The following PPOX variants were observed in gnomAD, a reference collection of about 807,000 sequenced individuals.
PPOX encodes variegate porphyria.
Under a neutral mutation model 54.1 loss-of-function variants are expected in PPOX, and 23 were observed. The observed-to-expected ratio is 0.43, with a 90% CI of 0.31 to 0.60. The LOEUF (loss-of-function observed/expected upper bound fraction) is 0.60. Among genes scored for constraint, PPOX ranks in the 20% least tolerant of loss-of-function variants. The probability of loss-of-function intolerance (pLI) is 0.13; values close to 1 mark genes in which losing one functional copy is unlikely to be tolerated. For missense variants in PPOX, 512 were observed against 601.1 expected, an observed-to-expected ratio of 0.85 and a Z score of 1.55; for synonymous variants, 224 against 236.1, an observed-to-expected ratio of 0.95 and a Z score of 0.47.
downstream of PPOX, chr1:161,175,985 G>A: frequency 6.2e-7 from 1 of 1,614,126 alleles, no homozygotes; most frequent in Non-Finnish European, 8.5e-7. Flanking sequence ...CCCAGTGACA[G>A]GTACATCATG....
At chr1:161,168,684 G>A in intron 6 of PPOX, 108 bp downstream of exon 6, 1 of 1,427,274 alleles carries the variant, frequency 7.0e-7, no homozygotes, top group South Asian at 1.2e-5. Context: ...TTGAGACGGA[G>A]TCTTGCTCTG....
downstream of PPOX, chr1:161,177,272 C>T (rs1463000941): frequency 5.1e-6 from 3 of 591,260 alleles, no homozygotes; most frequent in African/African-American, 5.6e-5. Context: ...CTACTAGCAA[C>T]GTGAGCCCGC....
upstream of PPOX, chr1:161,166,253 G>T: frequency 1.0e-6 from 1 of 963,956 alleles, no homozygotes; most frequent in Non-Finnish European, 1.2e-6. Context: ...GACGGGTACG[G>T]CCGCTCACTC....
At chr1:161,175,939 T>G (rs1663348367), downstream of PPOX, 1 of 1,613,982 alleles carries the variant, frequency 6.2e-7, no homozygotes, top group Non-Finnish European at 8.5e-7. Context: ...CGGTCCCTGA[T>G]CTCGGCCAAA....
At chr1:161,176,894 G>A in exon 5 of PPOX, 1 of 1,536,238 alleles carries the variant, frequency 6.5e-7, no homozygotes, top group Non-Finnish European at 8.7e-7. Context: ...CAGGACCGTG[G>A]AGTGGCCTAA....
chr1:161,173,374 G>C (rs1662222828), downstream of PPOX, among the ~76,000 whole-genome samples: 1 of 152,178 alleles, frequency 6.6e-6, no homozygotes, highest in African/African-American at 2.4e-5. Flanking sequence ...ATTTCCTATT[G>C]ATCTTATGTC....
rs750455096 is a variant in PPOX at position 161,170,876 on chromosome 1, C to A, written c.1249-31C>A. 9.3e-6 allele frequency: 15 copies of A among 1,613,936 alleles called. No homozygotes were observed. The East Asian group carries it at 3.1e-4, about 34-fold the overall frequency. ...CAAGGCCTAGGACATCAATAATAAA[C>A]TTTTCCCTGCATCCTCTCCTCTCTT... On this transcript the variant is annotated intron_variant, in intron 11 of 12. Coordinates refer to ENST00000367999, the MANE Select transcript of PPOX (RefSeq NM_001122764.3).
In PPOX at chr1:161,169,957, G is replaced by T. The variant is rs762786491; in HGVS notation, c.920G>T (p.Ser307Ile). The T allele has an allele frequency of 3.7e-6, 6 of 1,614,180 alleles. No homozygotes were observed. The Admixed American group carries it at 1.0e-4, about 27-fold the overall frequency. ...GCTGCCCCTCTGGCTCGTGCCCTGA[G>T]TGCCATCACTGCAGTGTCTGTAGCT... ...AEAAPLARAL[S>I]AITAVSVAVV... The change falls in exon 9 of 13, where the codon AGT becomes ATT. Residue 307 changes from serine (S) to isoleucine (I), a missense_variant. Physicochemically the swap from Ser to Ile is moderately radical, Grantham distance 142. Coordinates refer to ENST00000367999, the MANE Select transcript of PPOX (RefSeq NM_001122764.3).
Position 161,168,182 on chromosome 1 carries a change from TCCCTGTTCAAATCTACCACCTA to T in PPOX, c.471+56_471+77del. On this transcript the variant is annotated intron_variant, in intron 5 of 12. Transcript: ENST00000367999. Reference sequence around the variant, plus strand: ...TTCCCTCCTAAACCAGCTGCAGAGCTCCCTGTTCAAATCTACCACCTAGGGGCTCTTCTGTATCATTTGGGGA... The same window carrying T: ...TTCCCTCCTAAACCAGCTGCAGAGCTGGGGCTCTTCTGTATCATTTGGGGA... 1.9e-6 allele frequency: 3 copies of T among 1,613,428 alleles called. No homozygotes were observed. In the African/African-American group the frequency reaches 4.0e-5, roughly 22 times the overall value.
downstream of PPOX, chr1:161,175,993 A>G: frequency 6.2e-7 from 1 of 1,614,094 alleles, no homozygotes; most frequent in Non-Finnish European, 8.5e-7. Context: ...CAGGTACATC[A>G]TGACAGCCAG....
rs367932406 is a variant in PPOX, at chr1:161,169,194, C to G, written c.807+11C>G. 2.5e-5 allele frequency: 40 copies of G among 1,612,944 alleles called. No homozygotes were observed. The highest frequency in any genetic ancestry group is 3.1e-5 in the Non-Finnish European group (36 of 1,179,974). The stretch of plus-strand genomic sequence containing the variant: ...GAAGGGCGCTGGAAGGTAGGGGAAC[C>G]CCTGGAGTGTAATGAACCTGTCAGT... On this transcript the variant is annotated intron_variant, in intron 7 of 12. Transcript: ENST00000367999.
Position 161,170,663 on chromosome 1 carries a change from G to T in PPOX, c.1142G>T (p.Gly381Val). Residue 381 changes from glycine (G) to valine (V), a missense_variant, in exon 11 of 13, where the codon GGC (glycine) becomes GTC (valine). Coordinates refer to ENST00000367999, the MANE Select transcript of PPOX (RefSeq NM_001122764.3). ...TGGTTACAGACACTGGAGGCTAGTG[G>T]CTGTGTCTTATCTCAGGAGCTGTTT... is the stretch of plus-strand genomic sequence containing the variant. ...GSWLQTLEAS[G>V]CVLSQELFQQ... 1 of 1,614,160 alleles carries T rather than the reference G, an allele frequency of 6.2e-7. No individual in the cohort carries two copies. Among genetic ancestry groups the T allele is most frequent in the African/African-American group, 1.3e-5 (1 of 75,038 alleles).
At position 161,167,816 on chromosome 1, in the gene PPOX, G is replaced by C. The variant is rs563216264; in HGVS notation, c.339-179G>C. 129 of 1,008,250 alleles carry C rather than the reference G, an allele frequency of 1.3e-4. 2 individuals carry two copies. The South Asian group carries it at 1.8e-3, about 14-fold the overall frequency. 62.5% of individuals were successfully genotyped at this position (1,008,250 alleles called of 1,614,324 possible). On this transcript the variant is annotated intron_variant, in intron 4 of 12. Coordinates refer to ENST00000367999, the MANE Select transcript of PPOX (RefSeq NM_001122764.3). ...CTGACCTTGTGATCCGCCCGCCTCG[G>C]CCTGCCAAAGTGCTGGGATTACAGG... is the stretch of plus-strand genomic sequence containing the variant.
At chr1:161,172,209 G>A, downstream of PPOX, 2 of 1,613,408 alleles carry the variant, frequency 1.2e-6, no homozygotes, top group Non-Finnish European at 1.7e-6. Context: ...TTCCCAGGCA[G>A]TCCTTCCTTC....
In PPOX at chr1:161,169,727, G is replaced by T; in HGVS notation, c.868+7G>T. 2.5e-6 allele frequency: 4 copies of T among 1,614,154 alleles called. No individual in the cohort carries two copies. The highest frequency in any genetic ancestry group is 3.4e-6 in the Non-Finnish European group (4 of 1,180,010). On this transcript the variant is annotated splice_region_variant and intron_variant, in intron 8 of 12. Coordinates refer to ENST00000367999, the MANE Select transcript of PPOX (RefSeq NM_001122764.3). ...AGTGCCATTCCAGCTTCAGGTAATG[G>T]AATAGCCACCTTCCCCTTCCCCAAC...
At chr1:161,177,045 T>C, downstream of PPOX, 1 of 1,531,352 alleles carries the variant, frequency 6.5e-7, no homozygotes, top group Non-Finnish European at 8.7e-7. Context: ...AGGGTGGGGG[T>C]GGCGTCCTCT....
At chr1:161,171,391 A>T (rs1661379690), downstream of PPOX, 2 of 811,378 alleles carry the variant, frequency 2.5e-6, no homozygotes, top group Non-Finnish European at 3.8e-6. Context: ...CTATTCCAGC[A>T]TAGGCAGAAA....
Position 161,170,962 on chromosome 1 carries a change from A to T in PPOX, c.1291+13A>T. On this transcript the variant is annotated intron_variant, in intron 12 of 12. Transcript: ENST00000367999. ...TGGCAAAAACTAGGTAAGTTGGGAA[A>T]ACAGCTGGGCTGAGGAGGGCCAAGG... The T allele has an allele frequency of 6.2e-7, 1 of 1,614,114 alleles. No homozygotes were observed. The highest frequency in any genetic ancestry group is 1.1e-5 in the South Asian group (1 of 91,082).
At chr1:161,171,259 C>T (rs977525117), downstream of PPOX, 16 of 1,604,684 alleles carry the variant, frequency 1.0e-5, no homozygotes, top group Admixed American at 6.7e-5. Flanking sequence ...CATAAGAATG[C>T]GGGGCAGCAA....
Sources: allele counts gnomAD v4.1 joint callset (sites outside exome capture counted in the v4.1 genomes callset), GRCh38; gene constraint gnomAD v4.1.1; transcripts MANE v1.5; gene names NCBI Gene and HGNC (gene_info 2026-07-23, HGNC 2026-07-21).